STXBP5L: variants seen among roughly 807,000 people sequenced by gnomAD.
The protein encoded by STXBP5L is syntaxin binding protein 5L.
A neutral mutation model predicts 144.5 loss-of-function variants in STXBP5L; 65 were observed. The observed-to-expected ratio is 0.45, with a 90% CI of 0.37 to 0.55. The LOEUF (loss-of-function observed/expected upper bound fraction) is 0.55, where lower values mean the gene tolerates loss of function less well. Among genes scored for constraint, STXBP5L ranks in the 20% least tolerant of loss-of-function variants. The pLI is 0.00. For missense variants in STXBP5L, 1,298 were observed against 1,405.5 expected (o/e 0.92, Z 1.22); for synonymous variants, 505 against 469.6 (o/e 1.08, Z -0.97).
intron 3 of STXBP5L, among the ~76,000 whole-genome samples, chr3:121,038,380 T>G (rs1013598393): frequency 3.3e-5 from 5 of 151,976 alleles, no homozygotes; most frequent in Admixed American, 1.3e-4. Context: ...GCTTATTTAG[T>G]AGTTTATAAT....
At chr3:120,949,998 C>T (rs1711100173) in intron 2 of STXBP5L, among the ~76,000 whole-genome samples, 1 of 151,740 alleles carries the variant, frequency 6.6e-6, no homozygotes, top group Non-Finnish European at 1.5e-5. Flanking sequence ...CATTGTCTAC[C>T]TTTCCACAGT....
intron 5 of STXBP5L, among the ~76,000 whole-genome samples, chr3:121,049,904 A>G (rs1467982894): frequency 2.0e-5 from 3 of 152,142 alleles, no homozygotes; most frequent in African/African-American, 7.2e-5. Context: ...TTTGTCTGGA[A>G]GCCCTGGTTG....
At chr3:121,354,674 A>T (rs1576267218) in intron 20 of STXBP5L, among the ~76,000 whole-genome samples, 1 of 151,776 alleles carries the variant, frequency 6.6e-6, no homozygotes, top group Non-Finnish European at 1.5e-5. Context: ...CTTAATTGGC[A>T]CATTTAGCCC....
chr3:121,007,691 G>T (rs1204582358), intron 3 of STXBP5L, among the ~76,000 whole-genome samples: 1 of 151,936 alleles, frequency 6.6e-6, no homozygotes, highest in African/African-American at 2.4e-5. Context: ...GTTTACATAG[G>T]CAGAATGAGC....
chr3:120,974,929 T>A (rs1940766856), intron 3 of STXBP5L, among the ~76,000 whole-genome samples: 1 of 152,214 alleles, frequency 6.6e-6, no homozygotes, highest in Non-Finnish European at 1.5e-5. Context: ...AGTACCATGC[T>A]GTTTTGGTTA....
At chr3:121,004,824 A>C (rs1430679482) in intron 3 of STXBP5L, among the ~76,000 whole-genome samples, 1 of 152,076 alleles carries the variant, frequency 6.6e-6, no homozygotes, top group South Asian at 2.1e-4. Context: ...GGGTTTTGTC[A>C]TTGGTTTTAT....
At chr3:120,965,443 C>A (rs1939448442) in intron 3 of STXBP5L, among the ~76,000 whole-genome samples, 1 of 152,136 alleles carries the variant, frequency 6.6e-6, no homozygotes, top group Non-Finnish European at 1.5e-5. Context: ...TTTAGTGCTT[C>A]CTTGAGGAGC....
intron 11 of STXBP5L, among the ~76,000 whole-genome samples, chr3:121,231,682 G>A (rs1022206301): frequency 1.3e-5 from 2 of 152,092 alleles, no homozygotes; most frequent in Non-Finnish European, 2.9e-5. Flanking sequence ...GGTACTTATG[G>A]AGATTCCTTC....
intron 5 of STXBP5L, among the ~76,000 whole-genome samples, chr3:121,056,809 A>G (rs1472691830): frequency 1.3e-5 from 2 of 151,886 alleles, no homozygotes; most frequent in Non-Finnish European, 2.9e-5. Flanking sequence ...TATGTAACAT[A>G]ATTTTCTTTC....
Position 121,407,238 on chromosome 3 carries a change from T to TA in STXBP5L, c.2588-4dup. Reference sequence around the variant, plus strand: ...CATGTCAGTGATGTCCAATTGTTTTTATAGGTACATTCCTCTCATTGAAAG... The same window carrying TA: ...CATGTCAGTGATGTCCAATTGTTTTTAATAGGTACATTCCTCTCATTGAAAG... On this transcript the variant is annotated splice_region_variant and splice_polypyrimidine_tract_variant and intron_variant, in intron 22 of 26. Transcript: ENST00000471454. 1 of 1,538,382 alleles carries TA rather than the reference T, an allele frequency of 6.5e-7. No homozygotes were observed. The highest frequency in any genetic ancestry group is 8.7e-7 in the Non-Finnish European group (1 of 1,146,646).
chr3:121,385,535 C>T (rs2046408266), intron 22 of STXBP5L, among the ~76,000 whole-genome samples: 1 of 152,098 alleles, frequency 6.6e-6, no homozygotes, highest in Non-Finnish European at 1.5e-5. Context: ...AGGGAACAAA[C>T]ATCCAAACCA....
chr3:120,948,328 G>C (rs1045012602), intron 2 of STXBP5L, among the ~76,000 whole-genome samples: 4 of 151,330 alleles, frequency 2.6e-5, no homozygotes, highest in African/African-American at 9.7e-5. Context: ...GAATTTTAAG[G>C]GTTCTTTATA....
rs367620909 is a variant in STXBP5L, at chr3:121,152,577, G to A, written c.753+17G>A. The A allele has an allele frequency of 3.2e-6, 5 of 1,549,824 alleles. No homozygotes were observed. The highest frequency in any genetic ancestry group is 2.7e-6 in the Non-Finnish European group (3 of 1,132,048). The stretch of plus-strand genomic sequence containing the variant: ...TATGATGAGGTAAGTGATTTCTACC[G>A]ACATGTTTGAAAGAGTATTGTGACG... On this transcript the variant is annotated intron_variant, in intron 8 of 26. Coordinates refer to ENST00000471454, the MANE Select transcript of STXBP5L (RefSeq NM_001308330.2).
intron 2 of STXBP5L, among the ~76,000 whole-genome samples, chr3:120,949,160 T>C (rs1711039569): frequency 6.6e-6 from 1 of 152,058 alleles, no homozygotes; most frequent in South Asian, 2.1e-4. Flanking sequence ...TGATAATTAA[T>C]GGTCTTGAGC....
Position 121,006,497 on chromosome 3 carries a change from T to G in STXBP5L, c.288-35203T>G, listed in dbSNP as rs538115534. ...ATACAGCACACTGATGGATCTTGACTCTATCCACTTTGCCAGTCCGTGTCT... is the reference window on the plus strand; with the variant it reads ...ATACAGCACACTGATGGATCTTGACGCTATCCACTTTGCCAGTCCGTGTCT... On this transcript the variant is annotated intron_variant, in intron 3 of 26. Coordinates refer to ENST00000471454, the MANE Select transcript of STXBP5L (RefSeq NM_001308330.2). Among the ~76,000 whole-genome samples, 10 of 152,328 alleles carry G rather than the reference T, an allele frequency of 6.6e-5. No homozygotes were observed. The South Asian group carries it at 2.1e-3, about 32-fold the overall frequency.
chr3:121,378,602 G>A (rs1035329296), intron 20 of STXBP5L, 114 bp from the exon 21 acceptor site: 14 of 1,228,274 alleles, frequency 1.1e-5, no homozygotes, highest in South Asian at 1.9e-5. Context: ...TATTCATGTG[G>A]TTTAGAAAAT....
At chr3:121,223,252 T>C in intron 11 of STXBP5L, 95 bp downstream of exon 11, 1 of 1,299,688 alleles carries the variant, frequency 7.7e-7, no homozygotes, top group Non-Finnish European at 1.0e-6. Flanking sequence ...AGATGTCTAC[T>C]GTGGTATAAC....
chr3:121,131,215 A>T (rs2044974868), intron 7 of STXBP5L, among the ~76,000 whole-genome samples: 1 of 152,138 alleles, frequency 6.6e-6, no homozygotes, highest in African/African-American at 2.4e-5. Flanking sequence ...TCATACTAAA[A>T]CTAAGGACAT....
chr3:121,134,341 C>T (rs2045141873), intron 7 of STXBP5L, among the ~76,000 whole-genome samples: 1 of 152,078 alleles, frequency 6.6e-6, no homozygotes, highest in South Asian at 2.1e-4. Flanking sequence ...TAGGACAGAG[C>T]TTTCATGATT....
Sources: gnomAD v4.1 joint callset for allele counts (sites outside exome capture counted in the v4.1 genomes callset) on GRCh38, gnomAD v4.1.1 for gene constraint, MANE v1.5 for transcripts, NCBI Gene and HGNC (gene_info 2026-07-23, HGNC 2026-07-21) for gene names.